CSMD3: variants seen among roughly 807,000 people sequenced by gnomAD.
CSMD3 encodes the protein CUB and sushi domain-containing protein 3.
CSMD3 carries 177 observed loss-of-function variants against 435.2 expected under a neutral mutation model. The ratio of observed to expected loss-of-function variants is 0.41; its 90% CI spans 0.36 to 0.46. CSMD3 has a LOEUF of 0.46. Among genes scored for constraint, CSMD3 ranks in the 20% least tolerant of loss-of-function variants. The pLI, the probability that CSMD3 is intolerant of heterozygous loss-of-function variation, is 0.34. For missense variants in CSMD3, 4,265 were observed against 4,504.6 expected (o/e 0.95, Z 1.52); for synonymous variants, 1,656 against 1,520.5 (o/e 1.09, Z -2.07).
intron 1 of CSMD3, among the ~76,000 whole-genome samples, chr8:113,324,405 C>G (rs1258290706): frequency 6.6e-6 from 1 of 152,086 alleles, no homozygotes; most frequent in African/African-American, 2.4e-5. Flanking sequence ...CCCAGCTGCT[C>G]CAGCCATGAC....
intron 1 of CSMD3, among the ~76,000 whole-genome samples, chr8:113,358,177 G>T (rs72670780): frequency 0.045 from 6,778 of 152,172 alleles, 214 homozygotes; most frequent in South Asian, 0.12. Context: ...ATACCTAAAT[G>T]AATTGTAAGT....
chr8:112,529,593 A>T (rs1825324738), intron 27 of CSMD3, among the ~76,000 whole-genome samples: 1 of 152,060 alleles, frequency 6.6e-6, no homozygotes, highest in Non-Finnish European at 1.5e-5. Context: ...GCCTCAAAAA[A>T]ACAAACCAAC....
At chr8:112,509,653 T>C (rs1182322791) in intron 28 of CSMD3, among the ~76,000 whole-genome samples, 1 of 152,188 alleles carries the variant, frequency 6.6e-6, no homozygotes, top group Non-Finnish European at 1.5e-5. Context: ...GGTTTTCTTC[T>C]AGTGTCTTTA....
chr8:112,629,277 C>T (rs75880274), intron 22 of CSMD3, among the ~76,000 whole-genome samples: 3 of 152,072 alleles, frequency 2.0e-5, no homozygotes, highest in Non-Finnish European at 2.9e-5. Flanking sequence ...TCACAGCTCA[C>T]TGCCCCCTTG....
At chr8:112,824,736 AT>A (rs1382520744) in intron 12 of CSMD3, among the ~76,000 whole-genome samples, 1 of 151,968 alleles carries the variant, frequency 6.6e-6, no homozygotes, top group African/African-American at 2.4e-5. Context: ...TGCCCTTAAC[AT>A]TTTTTATTTT....
intron 10 of CSMD3, among the ~76,000 whole-genome samples, chr8:112,895,680 A>C (rs1396111815): frequency 1.3e-5 from 2 of 151,414 alleles, no homozygotes; most frequent in Non-Finnish European, 3.0e-5. Context: ...GAAATATTTC[A>C]AGAAAAGGAG....
At chr8:113,019,527 A>G (rs918329015) in intron 5 of CSMD3, among the ~76,000 whole-genome samples, 18 of 148,892 alleles carry the variant, frequency 1.2e-4, no homozygotes, top group Non-Finnish European at 1.5e-4. Context: ...TATGTTATAT[A>G]TTGTTTATTA....
chr8:112,607,393 T>C (rs1832883822), intron 22 of CSMD3, among the ~76,000 whole-genome samples: 2 of 152,070 alleles, frequency 1.3e-5, no homozygotes, highest in South Asian at 4.1e-4. Context: ...ATTGTAGAAT[T>C]TTATTTAACA....
intron 13 of CSMD3, among the ~76,000 whole-genome samples, chr8:112,745,316 C>T (rs1274377512): frequency 6.6e-6 from 1 of 151,728 alleles, no homozygotes; most frequent in Non-Finnish European, 1.5e-5. Context: ...AGAATGCACC[C>T]CATATCATAT....
chr8:113,024,027 C>A (rs534073549), intron 5 of CSMD3, among the ~76,000 whole-genome samples: 5 of 152,062 alleles, frequency 3.3e-5, no homozygotes, highest in Non-Finnish European at 7.4e-5. Context: ...CTTATTCTGC[C>A]TTTCTAGCTA....
chr8:113,017,977 G>A (rs1213063058), intron 6 of CSMD3, among the ~76,000 whole-genome samples: 1 of 151,870 alleles, frequency 6.6e-6, no homozygotes, highest in East Asian at 1.9e-4. Flanking sequence ...AGTTTTAAAA[G>A]CATATTTGCA....
chr8:112,389,259 AATAT>A (rs1326195213), intron 36 of CSMD3, among the ~76,000 whole-genome samples: 1 of 152,184 alleles, frequency 6.6e-6, no homozygotes, highest in Non-Finnish European at 1.5e-5. Flanking sequence ...AAGCTGATTT[AATAT>A]ATAGATGCTC....
intron 13 of CSMD3, among the ~76,000 whole-genome samples, chr8:112,748,388 A>G (rs1004094366): frequency 6.6e-6 from 1 of 152,194 alleles, no homozygotes; most frequent in Non-Finnish European, 1.5e-5. Context: ...AAAGTTTGTT[A>G]CATAGATAAA....
chr8:113,166,565 T>C (rs1030436642), intron 4 of CSMD3, among the ~76,000 whole-genome samples: 1 of 152,120 alleles, frequency 6.6e-6, no homozygotes, highest in Non-Finnish European at 1.5e-5. Flanking sequence ...AATTATTGAA[T>C]ATACTTCAAA....
intron 59 of CSMD3, among the ~76,000 whole-genome samples, chr8:112,271,889 C>A (rs1817559833): frequency 6.6e-6 from 1 of 152,134 alleles, no homozygotes; most frequent in Non-Finnish European, 1.5e-5. Context: ...TCCCCAATTC[C>A]ATAGTATTAA....
At chr8:112,526,764 G>A (rs925872758) in intron 27 of CSMD3, among the ~76,000 whole-genome samples, 2 of 151,558 alleles carry the variant, frequency 1.3e-5, no homozygotes, top group African/African-American at 4.8e-5. Flanking sequence ...TTTTTAAAAG[G>A]GTTGTGATGT....
At chr8:112,837,472 A>G (rs572638226) in intron 11 of CSMD3, among the ~76,000 whole-genome samples, 1 of 151,758 alleles carries the variant, frequency 6.6e-6, no homozygotes, top group Non-Finnish European at 1.5e-5. Flanking sequence ...AAGTTATATT[A>G]TTTTGAGCAA....
chr8:112,700,553 C>A (rs545180099), intron 13 of CSMD3, among the ~76,000 whole-genome samples: 26 of 152,092 alleles, frequency 1.7e-4, no homozygotes, highest in African/African-American at 6.3e-4. Context: ...AAATTCCCCT[C>A]TTTTTTATTA....
At chr8:113,147,079 G>T (rs2091693080) in intron 4 of CSMD3, among the ~76,000 whole-genome samples, 1 of 151,490 alleles carries the variant, frequency 6.6e-6, no homozygotes, top group Non-Finnish European at 1.5e-5. Context: ...TATGGCCTTA[G>T]CAGCCTTTAA....
Sources: gnomAD v4.1 joint callset for allele counts (sites outside exome capture counted in the v4.1 genomes callset) on GRCh38, gnomAD v4.1.1 for gene constraint, MANE v1.5 for transcripts, NCBI Gene and HGNC (gene_info 2026-07-23, HGNC 2026-07-21) for gene names.